ZFC3H1: variants seen among roughly 807,000 people sequenced by gnomAD.
The protein encoded by ZFC3H1 is zinc finger C3H1-type containing, also known as zinc finger C3H1 domain-containing protein.
A neutral mutation model predicts 243.7 loss-of-function variants in ZFC3H1; 71 were observed. The observed-to-expected ratio is 0.29, with a 90% CI of 0.24 to 0.36. The LOEUF (loss-of-function observed/expected upper bound fraction) is 0.36. ZFC3H1 is among the 10% of genes least tolerant of loss of function. The pLI, the probability that ZFC3H1 is intolerant of heterozygous loss-of-function variation, is 1.00. For missense variants in ZFC3H1, 1,966 were observed against 2,317.1 expected, an observed-to-expected ratio of 0.85 and a Z score of 3.11; for synonymous variants, 838 against 813.0, an observed-to-expected ratio of 1.03 and a Z score of -0.52.
In ZFC3H1 at chr12:71,657,162, T is replaced by C; in HGVS notation, c.738A>G (p.Glu246=). 1 of 1,613,964 alleles carries C rather than the reference T, an allele frequency of 6.2e-7. No individual in the cohort carries two copies. Among genetic ancestry groups the C allele is most frequent in the South Asian group, 1.1e-5 (1 of 91,070 alleles). ...CTTCTTTGCTACTCAATGCTAGTTTTTCATCCTTATTGATGCATTCTAGTT... is the reference window on the plus strand; with the variant it reads ...CTTCTTTGCTACTCAATGCTAGTTTCTCATCCTTATTGATGCATTCTAGTT... ...QLELECINKD[E]KLALSSKEEN... is the part of the protein sequence containing the mutation. The change falls in exon 2 of 35, where the codon GAA becomes GAG. Residue 246 remains glutamate, a synonymous_variant. Transcript: ENST00000378743.
intron 31 of ZFC3H1, 93 bp downstream of exon 31, chr12:71,613,242 A>G (rs1879815807): frequency 1.1e-6 from 1 of 881,256 alleles, no homozygotes; most frequent in African/African-American, 1.7e-5. Flanking sequence ...TAGTGGAACA[A>G]CAGACTATTT....
chr12:71,611,802 G>C lies in ZFC3H1; in HGVS notation c.5713C>G (p.Leu1905Val), dbSNP rs1373347851. 5.0e-6 allele frequency: 8 copies of C among 1,608,560 alleles called. No individual in the cohort carries two copies. Among genetic ancestry groups the C allele is most frequent in the Non-Finnish European group, 6.8e-6 (8 of 1,176,440 alleles). Residue 1905 changes from leucine (L) to valine (V), a missense_variant, in exon 32 of 35, where the codon CTG becomes GTG. Transcript: ENST00000378743. ...TTGCATTACATTTTCCAGGTGGCCA[G>C]GCATGTTGGGATATTATATGTAAAC... The part of the protein sequence containing the change: ...KMFTYNIPTC[L>V]ATWKIAIAAE...
At chr12:71,632,843 C>T in intron 14 of ZFC3H1, 43 bp downstream of exon 14, 1 of 1,596,686 alleles carries the variant, frequency 6.3e-7, no homozygotes, top group Non-Finnish European at 8.5e-7. Flanking sequence ...ATCATAAAAA[C>T]TTTCTGCTTT....
At chr12:71,610,848 T>A (rs1879750145) in intron 33 of ZFC3H1, 91 bp from the exon 34 acceptor site, 2 of 1,460,934 alleles carry the variant, frequency 1.4e-6, no homozygotes, top group Non-Finnish European at 9.4e-7. Flanking sequence ...TAATTCACAA[T>A]AACATCTGAG....
intron 5 of ZFC3H1, among the ~76,000 whole-genome samples, chr12:71,642,778 C>G: frequency 1.3e-5 from 2 of 152,158 alleles, no homozygotes; most frequent in East Asian, 3.9e-4. Flanking sequence ...TTCCAAAGTA[C>G]GAGCTATACA....
chr12:71,638,450 A>T lies in ZFC3H1; in HGVS notation c.1693T>A (p.Ser565Thr). 1 of 1,613,230 alleles carries T rather than the reference A, an allele frequency of 6.2e-7. No homozygotes were observed. The highest frequency in any genetic ancestry group is 8.5e-7 in the Non-Finnish European group (1 of 1,179,708). The change falls in exon 7 of 35, where the codon TCT becomes ACT. Residue 565 changes from serine to threonine, a missense_variant. Physicochemically the swap from Ser to Thr is moderately conservative, Grantham distance 58 (BLOSUM62 1). Coordinates refer to ENST00000378743, the MANE Select transcript of ZFC3H1 (RefSeq NM_144982.5). The stretch of plus-strand genomic sequence containing the variant: ...TGAGGTGGTGGAGGCAAAGAAAGAG[A>T]TGGTGCTGGAGAAAAATACCCCAAT... ...CSLGYFSPAP[S>T]LSLPPPPQVS...
intron 2 of ZFC3H1, among the ~76,000 whole-genome samples, chr12:71,649,442 T>C (rs955052361): frequency 4.6e-5 from 7 of 152,228 alleles, no homozygotes; most frequent in Non-Finnish European, 1.0e-4. Flanking sequence ...CATGTTTACT[T>C]TAATATTTCA....
intron 30 of ZFC3H1, 80 bp downstream of exon 30, chr12:71,614,455 T>C (rs948926240): frequency 9.0e-6 from 12 of 1,335,334 alleles, no homozygotes; most frequent in African/African-American, 3.0e-5. Flanking sequence ...TCTCTTGATA[T>C]AAAACAGGAG....
chr12:71,634,133 A>G (rs1478145715), intron 12 of ZFC3H1, 22 bp downstream of exon 12: 1 of 1,602,552 alleles, frequency 6.2e-7, no homozygotes, highest in Non-Finnish European at 8.5e-7. Flanking sequence ...ACAATTAGAT[A>G]TGTGAAGATA....
intron 31 of ZFC3H1, among the ~76,000 whole-genome samples, chr12:71,612,604 C>T (rs536705317): frequency 9.2e-5 from 14 of 152,262 alleles, no homozygotes; most frequent in African/African-American, 2.9e-4. Flanking sequence ...TCCCCACATA[C>T]ATGCTAAATG....
Position 71,633,307 on chromosome 12 carries a change from A to C in ZFC3H1, c.2642T>G (p.Ile881Ser), listed in dbSNP as rs1880371703. 7 of 1,593,384 alleles carry C rather than the reference A, an allele frequency of 4.4e-6. No homozygotes were observed. Among genetic ancestry groups the C allele is most frequent in the Non-Finnish European group, 6.0e-6 (7 of 1,173,306 alleles). Residue 881 changes from isoleucine to serine, a missense_variant, in exon 13 of 35, where the codon ATT becomes AGT. Ile to Ser is a moderately radical substitution (Grantham distance 142, BLOSUM62 -2). Around this residue, in one of 4 missense-constraint regions of ZFC3H1, gnomAD observed 1,383 missense variants for 1,723.7 expected, o/e 0.80. Coordinates refer to ENST00000378743, the MANE Select transcript of ZFC3H1 (RefSeq NM_144982.5). ...CAAAAACATTCTGTTAACATTAAGA[A>C]TTTTTTCAGTTGCTTGAAGCTGTTC... is the stretch of plus-strand genomic sequence containing the variant. ...LTEQLQATEK[I>S]LNVNRMFLKK...
In ZFC3H1 at chr12:71,638,404, C is replaced by G. The variant is rs9943836; in HGVS notation, c.1725+14G>C. The G allele has an allele frequency of 3.3e-3, 5,227 of 1,606,308 alleles. 143 individuals are homozygous for G. In the African/African-American group the frequency reaches 0.062, roughly 19 times the overall value. On this transcript the variant is annotated intron_variant, in intron 7 of 34. Transcript: ENST00000378743. ...AAGACAAAATAATTTTCTTAGAAAT[C>G]AATTCTGACTTACAGAAACCTGAGG... is the stretch of plus-strand genomic sequence containing the variant.
intron 1 of ZFC3H1, among the ~76,000 whole-genome samples, chr12:71,657,659 G>A (rs1472755670): frequency 6.6e-6 from 1 of 152,136 alleles, no homozygotes; most frequent in Non-Finnish European, 1.5e-5. Flanking sequence ...AGGAAGAGGG[G>A]AGAAACTGAA....
intron 27 of ZFC3H1, among the ~76,000 whole-genome samples, chr12:71,616,060 C>T (rs1011878661): frequency 3.3e-5 from 5 of 152,024 alleles, no homozygotes; most frequent in Non-Finnish European, 2.9e-5. Flanking sequence ...GAGGCTGAGG[C>T]GGGTGGTTCA....
At chr12:71,639,165 T>C (rs1880539531) in intron 6 of ZFC3H1, among the ~76,000 whole-genome samples, 1 of 152,228 alleles carries the variant, frequency 6.6e-6, no homozygotes. Context: ...CTTGTTAGGC[T>C]CACTGAAATA....
At chr12:71,625,333 G>T (rs950954322) in intron 22 of ZFC3H1, among the ~76,000 whole-genome samples, 1 of 152,144 alleles carries the variant, frequency 6.6e-6, no homozygotes, top group African/African-American at 2.4e-5. Flanking sequence ...GGTGATAAAA[G>T]TTCAGGTGAA....
At chr12:71,660,114 T>C (rs1486106993) in intron 1 of ZFC3H1, among the ~76,000 whole-genome samples, 1 of 152,200 alleles carries the variant, frequency 6.6e-6, no homozygotes, top group Non-Finnish European at 1.5e-5. Flanking sequence ...GCTACTTTAC[T>C]TCTAAATTAC....
intron 2 of ZFC3H1, among the ~76,000 whole-genome samples, chr12:71,651,066 G>C (rs1229532504): frequency 1.3e-5 from 2 of 152,178 alleles, no homozygotes; most frequent in Non-Finnish European, 2.9e-5. Flanking sequence ...AGAATCAACA[G>C]AAGGGCTGGT....
chr12:71,622,666 T>G (rs1880061788), intron 24 of ZFC3H1, among the ~76,000 whole-genome samples: 1 of 152,156 alleles, frequency 6.6e-6, no homozygotes, highest in African/African-American at 2.4e-5. Flanking sequence ...ATTCATCATG[T>G]TGGCCAGACT....
Sources: gnomAD v4.1 joint callset for allele counts (sites outside exome capture counted in the v4.1 genomes callset) on GRCh38, gnomAD v4.1.1 for gene constraint, gnomAD v4.1.1 regional missense constraint, MANE v1.5 for transcripts, NCBI Gene and HGNC (gene_info 2026-07-23, HGNC 2026-07-21) for gene names.